Variants in GOLIM4 observed in about 807,000 individuals in gnomAD.
GOLIM4 encodes the protein 130 kDa golgi-localized phosphoprotein.
Under a neutral mutation model 107.4 loss-of-function variants are expected in GOLIM4, and 71 were observed. The observed-to-expected ratio is 0.66, with a 90% CI of 0.55 to 0.81. The LOEUF (loss-of-function observed/expected upper bound fraction) is 0.81. Among genes scored for constraint, GOLIM4 ranks in the 30% least tolerant of loss-of-function variants. The pLI is 0.00. For missense variants in GOLIM4, 830 were observed against 826.1 expected, an observed-to-expected ratio of 1.00 and a Z score of -0.06; for synonymous variants, 327 against 294.8, an observed-to-expected ratio of 1.11 and a Z score of -1.12.
intron 14 of GOLIM4, among the ~76,000 whole-genome samples, chr3:168,019,363 C>G (rs1386494852): frequency 6.6e-6 from 1 of 152,136 alleles, no homozygotes; most frequent in Non-Finnish European, 1.5e-5. Context: ...TTTACCTTCA[C>G]GTATCACAGT....
chr3:168,076,261 G>T (rs1404060570), intron 1 of GOLIM4, among the ~76,000 whole-genome samples: 6 of 152,160 alleles, frequency 3.9e-5, no homozygotes, highest in Non-Finnish European at 5.9e-5. Context: ...TAAAAGTAAA[G>T]CATTACATAT....
At chr3:168,094,972 C>T (rs1174129986) in intron 1 of GOLIM4, 127 bp downstream of exon 1, 4 of 673,856 alleles carry the variant, frequency 5.9e-6, no homozygotes, top group Non-Finnish European at 1.0e-5. Flanking sequence ...AAACGCTCAC[C>T]TCTGACGTCC....
chr3:168,085,961 T>C (rs943008799), intron 1 of GOLIM4, among the ~76,000 whole-genome samples: 3 of 152,104 alleles, frequency 2.0e-5, no homozygotes, highest in Non-Finnish European at 4.4e-5. Context: ...GAATTATAGT[T>C]AAAGATTGTA....
At chr3:168,042,548 T>A (rs950216163) in intron 5 of GOLIM4, among the ~76,000 whole-genome samples, 1 of 152,254 alleles carries the variant, frequency 6.6e-6, no homozygotes, top group Non-Finnish European at 1.5e-5. Flanking sequence ...CCCAAAGTGC[T>A]AGGATTACAG....
Position 168,082,448 on chromosome 3 carries a change from T to A in GOLIM4, c.187+12651A>T, listed in dbSNP as rs556917741. On this transcript the variant is annotated intron_variant, in intron 1 of 15. Transcript: ENST00000470487. ...GTCTCCCTATAAAGGGCCACATATG[T>A]ACTCACAAATACTACCATTCTAGGT... Among the ~76,000 whole-genome samples the A allele has an allele frequency of 2.6e-5, 4 of 152,260 alleles. No homozygotes were observed. The East Asian group carries it at 5.8e-4, about 22-fold the overall frequency.
chr3:168,012,254 G>A (rs993912300), intron 14 of GOLIM4, among the ~76,000 whole-genome samples: 2 of 137,104 alleles, frequency 1.5e-5, no homozygotes, highest in African/African-American at 3.6e-5. Context: ...AGAAGCCTCA[G>A]GAGCCGATGC....
chr3:168,093,462 TAAGAGACCA>T (rs1416661250), intron 1 of GOLIM4, among the ~76,000 whole-genome samples: 1 of 152,214 alleles, frequency 6.6e-6, no homozygotes, highest in East Asian at 1.9e-4. Flanking sequence ...ATGGGACTCC[TAAGAGACCA>T]AGGCACACAC....
At chr3:168,033,653 C>G (rs1322787884) in intron 8 of GOLIM4, among the ~76,000 whole-genome samples, 1 of 110,380 alleles carries the variant, frequency 9.1e-6, no homozygotes, top group Non-Finnish European at 1.8e-5. Context: ...AATGCCATTA[C>G]TAATGAACAT....
chr3:168,036,907 C>A lies in GOLIM4; in HGVS notation c.772G>T (p.Val258Leu), dbSNP rs1252196331. ...RKPDPAEQQN[V>L]TQVAHSPQGY... ...TGTGGAGAATGTGCCACCTGGGTCA[C>A]ATTTTGCTGTTCTGCTGGATCAGGT... Residue 258 changes from valine (V) to leucine (L), a missense_variant, in exon 8 of 16, where the codon GTG becomes TTG. Transcript: ENST00000470487. 6.2e-7 allele frequency: 1 copy of A among 1,613,250 alleles called. No homozygotes were observed. Among genetic ancestry groups the A allele is most frequent in the Non-Finnish European group, 8.5e-7 (1 of 1,179,660 alleles).
chr3:168,057,277 C>T (rs774340088), intron 1 of GOLIM4, among the ~76,000 whole-genome samples: 1 of 152,154 alleles, frequency 6.6e-6, no homozygotes, highest in Non-Finnish European at 1.5e-5. Context: ...GTAAACTGCC[C>T]AGTCTTGGGT....
intron 14 of GOLIM4, among the ~76,000 whole-genome samples, chr3:168,017,957 G>C (rs925583729): frequency 2.6e-5 from 4 of 152,094 alleles, no homozygotes; most frequent in Non-Finnish European, 5.9e-5. Context: ...CCAAATATTT[G>C]TGCTAAATAG....
Position 168,082,578 on chromosome 3 carries a change from A to C in GOLIM4, c.187+12521T>G, listed in dbSNP as rs532473601. The stretch of plus-strand genomic sequence containing the variant: ...AACTCAGTGCAAAAGATACGAGAGA[A>C]AGAACAGTATGTAAGTCTCTCTAAG... On this transcript the variant is annotated intron_variant, in intron 1 of 15. Coordinates refer to ENST00000470487, the MANE Select transcript of GOLIM4 (RefSeq NM_014498.5). Among the ~76,000 whole-genome samples the C allele has an allele frequency of 7.9e-5, 12 of 152,308 alleles. No individual in the cohort carries two copies. The East Asian group carries it at 2.3e-3, about 29-fold the overall frequency.
intron 14 of GOLIM4, among the ~76,000 whole-genome samples, chr3:168,012,865 G>C (rs1717135952): frequency 6.6e-6 from 1 of 151,876 alleles, no homozygotes. Context: ...CACCAGGCCT[G>C]CCCTACAAGA....
chr3:168,072,905 G>A (rs6444792), intron 1 of GOLIM4, among the ~76,000 whole-genome samples: 94,093 of 152,076 alleles, frequency 0.62, 32,352 homozygotes, highest in African/African-American at 0.91. Context: ...ATGATCATAT[G>A]TAATGAAACA....
In GOLIM4 at chr3:168,009,201, C is replaced by T. The variant is rs1424572398; in HGVS notation, c.*1068G>A. 1.3e-5 allele frequency: 2 copies of T among 151,750 alleles called. No homozygotes were observed. Among genetic ancestry groups the T allele is most frequent in the Admixed American group, 6.6e-5 (1 of 15,238 alleles). The allele number at this position is 151,750 out of a possible 1,614,324, so 9.4% of individuals were successfully genotyped here. A position where few individuals can be genotyped will look rare whatever the true frequency, so the allele number is the denominator to read the frequency against. ...ATGATTAAAATGCCTTACACATAGG[C>T]AAAAAGCAGACCCAATCCCAGCAAA... On this transcript the variant is annotated 3_prime_UTR_variant, in exon 16 of 16. Transcript: ENST00000470487.
rs1279487456 is a variant in GOLIM4 at position 168,010,020 on chromosome 3, G to C, written c.*249C>G. 6.2e-6 allele frequency: 2 copies of C among 322,456 alleles called. No individual in the cohort carries two copies. Among genetic ancestry groups the C allele is most frequent in the Admixed American group, 4.8e-5 (1 of 20,992 alleles). The allele number at this position is 322,456 out of a possible 1,614,324, so 20.0% of individuals were successfully genotyped here. ...CATAATCTATTAAAAAAATTGGGACGTGGGGGCTCAGGTTTACTTTATTGT... is the reference window on the plus strand; with the variant it reads ...CATAATCTATTAAAAAAATTGGGACCTGGGGGCTCAGGTTTACTTTATTGT... On this transcript the variant is annotated 3_prime_UTR_variant, in exon 16 of 16. Transcript: ENST00000470487.
In GOLIM4 at chr3:168,041,304, C is replaced by T. The variant is rs969305644; in HGVS notation, c.600+88G>A. On this transcript the variant is annotated intron_variant, in intron 6 of 15. Transcript: ENST00000470487. ...ACAATAACAACGTGGATTTGTAAAG[C>T]AGGCCAATTAGGGAATGACTTTTTA... 8.0e-6 allele frequency: 6 copies of T among 751,434 alleles called. No homozygotes were observed. In the East Asian group the frequency reaches 1.5e-4, roughly 19 times the overall value. The allele number at this position is 751,434 out of a possible 1,614,324, so 46.5% of individuals were successfully genotyped here.
chr3:168,016,272 A>G (rs1166183198), intron 14 of GOLIM4, among the ~76,000 whole-genome samples: 2 of 134,978 alleles, frequency 1.5e-5, no homozygotes, highest in East Asian at 4.0e-4. Context: ...ATTTATGCAG[A>G]CAAAAAACAC....
intron 5 of GOLIM4, among the ~76,000 whole-genome samples, chr3:168,041,913 T>A (rs1371189497): frequency 2.0e-5 from 3 of 152,020 alleles, no homozygotes; most frequent in Non-Finnish European, 4.4e-5. Context: ...AATAAAATAA[T>A]CAGAAAGTAT....
Sources: gnomAD v4.1 joint callset for allele counts (sites outside exome capture counted in the v4.1 genomes callset) on GRCh38, gnomAD v4.1.1 for gene constraint, MANE v1.5 for transcripts, NCBI Gene and HGNC (gene_info 2026-07-23, HGNC 2026-07-21) for gene names.